The following SFMBT1 variants were observed in gnomAD, a reference collection of about 807,000 sequenced individuals.
The protein encoded by SFMBT1 is Scm like with four mbt domains 1.
Under a neutral mutation model 108.7 loss-of-function variants are expected in SFMBT1, and 32 were observed. The observed-to-expected ratio is 0.29, with a 90% confidence interval of 0.22 to 0.40. The LOEUF (loss-of-function observed/expected upper bound fraction) is 0.40. SFMBT1 is among the 10% of genes least tolerant of loss of function. The pLI is 1.00. For synonymous variants in SFMBT1, 348 were observed against 369.5 expected (o/e 0.94, Z 0.67); for missense variants, 816 against 1,059.6 (o/e 0.77, Z 3.19).
chr3:52,981,359 T>G (rs551531505), intron 1 of SFMBT1, among the ~76,000 whole-genome samples: 1 of 150,668 alleles, frequency 6.6e-6, no homozygotes, highest in Non-Finnish European at 1.5e-5. Flanking sequence ...TCCACCTGAA[T>G]AGGTTTCTGT....
chr3:52,934,825 C>T lies in SFMBT1; in HGVS notation c.441G>A (p.Pro147=), dbSNP rs745394511. 6.2e-7 allele frequency: 1 copy of T among 1,613,064 alleles called. No homozygotes were observed. The highest frequency in any genetic ancestry group is 8.5e-7 in the Non-Finnish European group (1 of 1,179,530). Reference sequence around the variant, plus strand: ...TAGTAATACTCACGCCCTCTAGCAGCGGAACAGGAGGACTACATGCTCCTA... The same window carrying T: ...TAGTAATACTCACGCCCTCTAGCAGTGGAACAGGAGGACTACATGCTCCTA... ...TLIGACSPPV[P]LLEGLRNGRN... Residue 147 remains proline, a synonymous_variant, in exon 5 of 21, where the codon CCG becomes CCA. Transcript: ENST00000394752.
At chr3:52,988,520 A>G (rs1705008610) in intron 1 of SFMBT1, among the ~76,000 whole-genome samples, 1 of 152,218 alleles carries the variant, frequency 6.6e-6, no homozygotes, top group South Asian at 2.1e-4. Flanking sequence ...TGTCTGCTGC[A>G]AAACACTGAG....
intron 3 of SFMBT1, among the ~76,000 whole-genome samples, chr3:52,953,884 C>T (rs1310872523): frequency 6.6e-6 from 1 of 151,734 alleles, no homozygotes; most frequent in Non-Finnish European, 1.5e-5. Context: ...AATCCCAGCA[C>T]TTTGGGAGGC....
At chr3:52,938,137 T>C (rs1397914085) in intron 4 of SFMBT1, among the ~76,000 whole-genome samples, 2 of 152,226 alleles carry the variant, frequency 1.3e-5, no homozygotes, top group Non-Finnish European at 2.9e-5. Context: ...CAGTTGCCTG[T>C]ACATCTTTGT....
chr3:52,920,725 A>C, intron 11 of SFMBT1, 75 bp from the exon 12 acceptor site: 2 of 847,598 alleles, frequency 2.4e-6, no homozygotes, highest in Non-Finnish European at 3.8e-6. Flanking sequence ...TTCTTCATAA[A>C]CTATTTTCTA....
At chr3:52,906,298 A>G in intron 19 of SFMBT1, 57 bp from the exon 20 acceptor site, 1 of 1,611,686 alleles carries the variant, frequency 6.2e-7, no homozygotes, top group Non-Finnish European at 8.5e-7. Flanking sequence ...TTATTCTAAA[A>G]AAGTCTCTCT....
intron 1 of SFMBT1, among the ~76,000 whole-genome samples, chr3:53,001,011 G>A (rs1186510489): frequency 6.7e-6 from 1 of 149,884 alleles, no homozygotes; most frequent in Non-Finnish European, 1.5e-5. Context: ...TTTGAATAAT[G>A]GATATTTGGA....
At chr3:52,982,418 G>A (rs1704744081) in intron 1 of SFMBT1, among the ~76,000 whole-genome samples, 1 of 152,098 alleles carries the variant, frequency 6.6e-6, no homozygotes, top group Admixed American at 6.5e-5. Flanking sequence ...CAAAAAGGTC[G>A]GAGGTGAAGG....
At chr3:52,944,966 G>A (rs1703308757) in intron 3 of SFMBT1, among the ~76,000 whole-genome samples, 1 of 151,032 alleles carries the variant, frequency 6.6e-6, no homozygotes, top group Admixed American at 6.6e-5. Context: ...ACCATGCCTT[G>A]TTAATTTTTG....
At position 52,942,108 on chromosome 3, in the gene SFMBT1, A is replaced by G. The variant is rs545848424; in HGVS notation, c.364+1245T>C. 2.2e-4 allele frequency among the ~76,000 whole-genome samples: 33 copies of G among 152,294 alleles called. 1 individual carries two copies. The highest frequency in any genetic ancestry group is 2.2e-3 in the Admixed American group (33 of 15,308). ...CCTCAAGAAAATAGAAATGAAAATA[A>G]AAACAAAAATACTAGAAAGTGATAT... On this transcript the variant is annotated intron_variant, in intron 4 of 20. Coordinates refer to ENST00000394752, the MANE Select transcript of SFMBT1 (RefSeq NM_016329.4).
intron 3 of SFMBT1, among the ~76,000 whole-genome samples, chr3:52,952,389 C>T (rs1033224876): frequency 1.3e-5 from 2 of 152,186 alleles, no homozygotes; most frequent in Non-Finnish European, 2.9e-5. Context: ...GTATGCCCTA[C>T]TGAACATTGC....
At chr3:52,986,841 G>A (rs1461035191) in intron 1 of SFMBT1, among the ~76,000 whole-genome samples, 6 of 151,794 alleles carry the variant, frequency 4.0e-5, no homozygotes, top group African/African-American at 9.7e-5. Context: ...TCAGGAGGCT[G>A]AGGCAGGAGA....
At chr3:52,910,362 A>G (rs761641224) in intron 17 of SFMBT1, among the ~76,000 whole-genome samples, 2 of 152,212 alleles carry the variant, frequency 1.3e-5, no homozygotes, top group Non-Finnish European at 2.9e-5. Flanking sequence ...ATCCTATTAG[A>G]TACAATAACT....
intron 4 of SFMBT1, among the ~76,000 whole-genome samples, chr3:52,942,685 T>C (rs534792508): frequency 2.6e-4 from 40 of 152,292 alleles, no homozygotes; most frequent in African/African-American, 9.6e-4. Flanking sequence ...GCTAATTGTT[T>C]TGTATTTTTA....
rs780876209 is a variant in SFMBT1, at chr3:53,001,920, GTC to G, written c.-130-32664_-130-32663del. Among the ~76,000 whole-genome samples the G allele has an allele frequency of 4.5e-3, 278 of 61,796 alleles. 5 individuals carry two copies. The highest frequency in any genetic ancestry group is 0.012 in the African/African-American group (233 of 19,900). The allele number at this position is 61,796 out of a possible 152,430, so 40.5% of individuals were successfully genotyped here. ...GGCCTGGGCAACAGAGCAAGACCCA[GTC>G]TCTCACACACACACACACACACACA... On this transcript the variant is annotated intron_variant, in intron 1 of 20. Coordinates refer to ENST00000394752, the MANE Select transcript of SFMBT1 (RefSeq NM_016329.4).
intron 9 of SFMBT1, among the ~76,000 whole-genome samples, chr3:52,927,498 C>A (rs1212778842): frequency 6.6e-6 from 1 of 152,078 alleles, no homozygotes; most frequent in African/African-American, 2.4e-5. Flanking sequence ...ATATAGACTG[C>A]CAATCAAATA....
At position 52,949,568 on chromosome 3, in the gene SFMBT1, C is replaced by CTTTTTTTTTTTTTTTTTTT. The variant is rs59842273; in HGVS notation, c.123+4730_123+4748dup. On this transcript the variant is annotated intron_variant, in intron 3 of 20. Coordinates refer to ENST00000394752, the MANE Select transcript of SFMBT1 (RefSeq NM_016329.4). The stretch of plus-strand genomic sequence containing the variant: ...CCCTTTATTATTATGTAATGTCCTT[C>CTTTTTTTTTTTTTTTTTTT]TTTTTTTTTTTTTTTTTTTTTTTTT... 1.0e-4 allele frequency among the ~76,000 whole-genome samples: 8 copies of CTTTTTTTTTTTTTTTTTTT among 77,388 alleles called. 1 individual carries two copies. Among genetic ancestry groups the CTTTTTTTTTTTTTTTTTTT allele is most frequent in the African/African-American group, 4.6e-4 (8 of 17,528 alleles). The allele number at this position is 77,388 out of a possible 152,430, so 50.8% of individuals were successfully genotyped here.
chr3:52,958,342 G>C (rs1428852563), intron 2 of SFMBT1, among the ~76,000 whole-genome samples: 5 of 152,208 alleles, frequency 3.3e-5, no homozygotes, highest in Admixed American at 3.3e-4. Flanking sequence ...TGTAATCCCA[G>C]CACTTTGGGA....
At chr3:52,954,212 CT>C in intron 3 of SFMBT1, 104 bp downstream of exon 3, 2 of 863,658 alleles carry the variant, frequency 2.3e-6, no homozygotes, top group Non-Finnish European at 3.7e-6. Context: ...TCTTAAATTA[CT>C]TCAAGTACCA....
Sources: gnomAD v4.1 joint callset for allele counts (sites outside exome capture counted in the v4.1 genomes callset) on GRCh38, gnomAD v4.1.1 for gene constraint, MANE v1.5 for transcripts, NCBI Gene and HGNC (gene_info 2026-07-23, HGNC 2026-07-21) for gene names.